EIF4E: variants seen among roughly 807,000 people sequenced by gnomAD.
EIF4E encodes eukaryotic translation initiation factor 4E, also known as eIF-4F 25 kDa subunit.
For missense variants in EIF4E, 113 were observed against 265.6 expected (o/e 0.43, Z 3.99); for synonymous variants, 71 against 88.5 (o/e 0.80, Z 1.11).
At chr4:98,913,358 G>GTGAT (rs1725235798) in intron 1 of EIF4E, among the ~76,000 whole-genome samples, 1 of 151,896 alleles carries the variant, frequency 6.6e-6, no homozygotes, top group Non-Finnish European at 1.5e-5. Context: ...TTCAGAGGAG[G>GTGAT]GTATCACTAT....
chr4:98,925,849 T>C (rs943555567), intron 1 of EIF4E: 1 of 151,594 alleles, frequency 6.6e-6, no homozygotes, highest in Non-Finnish European at 1.5e-5. Context: ...TCAAGTACAA[T>C]CCAATTCTAA....
At chr4:98,928,060 A>G (rs1304223958) in intron 1 of EIF4E, among the ~76,000 whole-genome samples, 1 of 152,248 alleles carries the variant, frequency 6.6e-6, no homozygotes, top group Non-Finnish European at 1.5e-5. Flanking sequence ...GTCAAATGGA[A>G]AAGTAAATTT....
Position 98,887,999 on chromosome 4 carries a change from G to T in EIF4E, c.222-47C>A, listed in dbSNP as rs755539518. 1.4e-6 allele frequency: 2 copies of T among 1,447,190 alleles called. No individual in the cohort carries two copies. Among genetic ancestry groups the T allele is most frequent in the Non-Finnish European group, 1.9e-6 (2 of 1,036,692 alleles). 89.6% of individuals were successfully genotyped at this position (1,447,190 alleles called of 1,614,324 possible). A position where few individuals can be genotyped will look rare whatever the true frequency, so the allele number is the denominator to read the frequency against. ...TTAAAAACACAGAATATGTAATATA[G>T]AGTTTAGGTGCTTACATATATATAC... is the stretch of plus-strand genomic sequence containing the variant. On this transcript the variant is annotated intron_variant, in intron 3 of 6. Transcript: ENST00000450253. The surrounding 1 kb of genome is among the most constrained non-coding windows in gnomAD (Gnocchi z 4.0).
rs1491533968 is a variant in EIF4E at position 98,891,348 on chromosome 4, CAG to C, written c.126-18_126-17del. 1 of 1,606,194 alleles carries C rather than the reference CAG, an allele frequency of 6.2e-7. No individual in the cohort carries two copies. The stretch of plus-strand genomic sequence containing the variant: ...GAGTGCCCATCTAAAAATAAAAAAT[CAG>C]TGTCAAAAAATGGTAGCTGCATACC... On this transcript the variant is annotated splice_polypyrimidine_tract_variant and intron_variant, in intron 2 of 6. Transcript: ENST00000450253.
intron 1 of EIF4E, among the ~76,000 whole-genome samples, chr4:98,918,751 T>C (rs1249472193): frequency 6.6e-6 from 1 of 152,220 alleles, no homozygotes; most frequent in African/African-American, 2.4e-5. Flanking sequence ...TATGTGTTGA[T>C]ATGTAATGCT....
At chr4:98,882,510 C>G (rs1723741640) in intron 6 of EIF4E, among the ~76,000 whole-genome samples, 1 of 151,408 alleles carries the variant, frequency 6.6e-6, no homozygotes, top group East Asian at 1.9e-4. Flanking sequence ...GAGTTAAATC[C>G]TCCAACATGA....
chr4:98,908,531 A>G (rs1221255513), intron 1 of EIF4E, among the ~76,000 whole-genome samples: 1 of 152,238 alleles, frequency 6.6e-6, no homozygotes, highest in Non-Finnish European at 1.5e-5. Flanking sequence ...CTAATACAAC[A>G]TTCTAGTAAA....
chr4:98,896,883 G>A (rs959185358), intron 2 of EIF4E, among the ~76,000 whole-genome samples: 4 of 151,884 alleles, frequency 2.6e-5, no homozygotes, highest in East Asian at 3.9e-4. Context: ...GCTTGGGTAC[G>A]GAAGGTGAAG....
chr4:98,896,667 CAAAAAAAAAAAAAAAA>C (rs61329973), intron 2 of EIF4E, among the ~76,000 whole-genome samples: 57 of 47,680 alleles, frequency 1.2e-3, no homozygotes, highest in Non-Finnish European at 1.3e-3. Flanking sequence ...ATGTCTCTTC[CAAAAAAAAAAAAAAAA>C]AAAAAAAAAA....
At chr4:98,888,882 C>T (rs1008110726) in intron 3 of EIF4E, among the ~76,000 whole-genome samples, 4 of 151,984 alleles carry the variant, frequency 2.6e-5, no homozygotes, top group African/African-American at 9.7e-5. Context: ...ATTTAAGGGC[C>T]GGGTGCAGTG....
chr4:98,886,530 A>C (rs551245641), intron 5 of EIF4E: 2 of 430,626 alleles, frequency 4.6e-6, no homozygotes, highest in African/African-American at 4.1e-5. Context: ...CCTGGGCAAC[A>C]TAGCAAGATC....
Position 98,884,999 on chromosome 4 carries a change from A to C in EIF4E, c.462T>G (p.Val154=). 1 of 1,613,800 alleles carries C rather than the reference A, an allele frequency of 6.2e-7. No individual in the cohort carries two copies. The highest frequency in any genetic ancestry group is 8.5e-7 in the Non-Finnish European group (1 of 1,179,808). Residue 154 remains valine (V), a synonymous_variant, in exon 6 of 7, where the codon GTT becomes GTG. Coordinates refer to ENST00000450253, the MANE Select transcript of EIF4E (RefSeq NM_001968.5). ...TCTTATCACCTTTAGCTCTAACATT[A>C]ACAACAGCGCCACATACATCATCAC... is the stretch of plus-strand genomic sequence containing the variant. ...DYSDDVCGAV[V]NVRAKGDKIA... is the part of the protein sequence containing the mutation.
At chr4:98,898,313 G>A (rs910416201) in intron 2 of EIF4E, among the ~76,000 whole-genome samples, 2 of 152,094 alleles carry the variant, frequency 1.3e-5, no homozygotes, top group African/African-American at 4.8e-5. Flanking sequence ...TGACTTCTAA[G>A]ACGGCAAAAA....
chr4:98,880,739 A>G lies in EIF4E; in HGVS notation c.*289T>C. The G allele has an allele frequency of 4.4e-6, 1 of 228,640 alleles. No individual in the cohort carries two copies. Among genetic ancestry groups the G allele is most frequent in the Non-Finnish European group, 8.6e-6 (1 of 116,058 alleles). The allele number at this position is 228,640 out of a possible 1,614,324, so 14.2% of individuals were successfully genotyped here. On this transcript the variant is annotated 3_prime_UTR_variant, in exon 7 of 7. Coordinates refer to ENST00000450253, the MANE Select transcript of EIF4E (RefSeq NM_001968.5). ...TAAAATCTGTATGTAATTAATGGTA[A>G]TTCTACTGAACTATTACAGAGTGGG...
intron 3 of EIF4E, among the ~76,000 whole-genome samples, chr4:98,889,656 G>T (rs1417258233): frequency 6.6e-6 from 1 of 152,128 alleles, no homozygotes; most frequent in Admixed American, 6.6e-5. Flanking sequence ...CTAAGTTATG[G>T]TATAAAAACC....
At chr4:98,911,242 G>C in intron 1 of EIF4E, among the ~76,000 whole-genome samples, 1 of 151,010 alleles carries the variant, frequency 6.6e-6, no homozygotes. Flanking sequence ...ACAGACAGGG[G>C]TTTCACCATC....
At chr4:98,904,489 G>A (rs574560956) in intron 1 of EIF4E, among the ~76,000 whole-genome samples, 11 of 152,192 alleles carry the variant, frequency 7.2e-5, no homozygotes, top group Non-Finnish European at 1.6e-4. Context: ...ACACATAATC[G>A]GCCGGGCATG....
At chr4:98,883,761 G>A (rs775872456) in intron 6 of EIF4E, among the ~76,000 whole-genome samples, 3 of 151,978 alleles carry the variant, frequency 2.0e-5, no homozygotes, top group Non-Finnish European at 4.4e-5. Context: ...ATGTCAGCTG[G>A]TTTAGCATGG....
chr4:98,910,748 G>A (rs76007521), intron 1 of EIF4E, among the ~76,000 whole-genome samples: 2 of 126,620 alleles, frequency 1.6e-5, no homozygotes, highest in African/African-American at 6.1e-5. Context: ...TTTTTTTTTT[G>A]AGACAGATTC....
Sources: gnomAD v4.1 joint callset for allele counts (sites outside exome capture counted in the v4.1 genomes callset) on GRCh38, gnomAD v4.1.1 for gene constraint, Gnocchi (gnomAD v3.1) non-coding constraint, MANE v1.5 for transcripts, NCBI Gene and HGNC (gene_info 2026-07-23, HGNC 2026-07-21) for gene names.